Variants in RAB20 observed in about 807,000 individuals in gnomAD.
RAB20 encodes the protein RAB20, member RAS oncogene family.
Under a neutral mutation model 3.7 loss-of-function variants are expected in RAB20, and 2 were observed. The observed-to-expected ratio is 0.54, with a 90% CI of 0.22 to 1.69. The LOEUF is 1.69. RAB20 is among the 40% of genes most tolerant of loss of function. RAB20 has a pLI of 0.19. For synonymous variants in RAB20, 126 were observed against 130.8 expected (o/e 0.96, Z 0.25); for missense variants, 276 against 311.9 (o/e 0.88, Z 0.87).
At position 110,523,785 on chromosome 13, in the gene RAB20, C is replaced by T. The variant is rs1884376731; in HGVS notation, c.585G>A (p.Glu195=). 6.2e-7 allele frequency: 1 copy of T among 1,614,206 alleles called. No individual in the cohort carries two copies. Among genetic ancestry groups the T allele is most frequent in the Non-Finnish European group, 8.5e-7 (1 of 1,180,038 alleles). The change falls in exon 2 of 2, where the codon GAG becomes GAA. Residue 195 remains glutamate, a synonymous_variant. Coordinates refer to ENST00000267328, the MANE Select transcript of RAB20 (RefSeq NM_017817.3). ...TTGGCACCACCAGGTCAAAGAGGGTCTCAAACAGGAGGTCCACATTGTAGC... is the reference window on the plus strand; with the variant it reads ...TTGGCACCACCAGGTCAAAGAGGGTTTCAAACAGGAGGTCCACATTGTAGC... ...KTGYNVDLLF[E]TLFDLVVPMI...
chr13:110,557,825 G>C (rs776062762), intron 1 of RAB20, among the ~76,000 whole-genome samples: 1 of 152,244 alleles, frequency 6.6e-6, no homozygotes, highest in African/African-American at 2.4e-5. Context: ...GCCAGGCCAC[G>C]GCCTTTAGAA....
intron 1 of RAB20, among the ~76,000 whole-genome samples, chr13:110,560,601 A>T (rs1885113300): frequency 6.6e-6 from 1 of 152,196 alleles, no homozygotes; most frequent in South Asian, 2.1e-4. Context: ...TTTTGTAAGG[A>T]GAAGGAAATA....
chr13:110,533,297 A>C (rs1448656919), intron 1 of RAB20, among the ~76,000 whole-genome samples: 1 of 152,240 alleles, frequency 6.6e-6, no homozygotes, highest in Admixed American at 6.5e-5. Context: ...AGTTTTGGCT[A>C]AAGTTGAGAG....
At position 110,524,157 on chromosome 13, in the gene RAB20, C is replaced by T; in HGVS notation, c.213G>A (p.Arg71=). 1 of 1,605,406 alleles carries T rather than the reference C, an allele frequency of 6.2e-7. No individual in the cohort carries two copies. Among genetic ancestry groups the T allele is most frequent in the East Asian group, 2.2e-5 (1 of 44,850 alleles). Residue 71 remains arginine (R), a synonymous_variant, in exon 2 of 2, where the codon CGG becomes CGA. Coordinates refer to ENST00000267328, the MANE Select transcript of RAB20 (RefSeq NM_017817.3). ...QFHGLGSMYC[R]GAAAIILTYD... ...AGGTGAGGATGATGGCGGCCGCCCCCCGGCAGTACATGGAGCCCAGGCCGT... is the reference window on the plus strand; with the variant it reads ...AGGTGAGGATGATGGCGGCCGCCCCTCGGCAGTACATGGAGCCCAGGCCGT...
rs567956471 is a variant in RAB20, at chr13:110,561,005, G to A, written c.172+343C>T. On this transcript the variant is annotated intron_variant, in intron 1 of 1. Transcript: ENST00000267328. ...TCTCAAAGGATATCATGTTCCTACGGGTACGTGAAAACTGAAAATACCTAA... is the reference window on the plus strand; with the variant it reads ...TCTCAAAGGATATCATGTTCCTACGAGTACGTGAAAACTGAAAATACCTAA... Among the ~76,000 whole-genome samples the A allele has an allele frequency of 2.3e-4, 35 of 152,330 alleles. No individual in the cohort carries two copies. In the South Asian group the frequency reaches 3.3e-3, roughly 14 times the overall value.
At chr13:110,545,222 A>G (rs928274042) in intron 1 of RAB20, among the ~76,000 whole-genome samples, 2 of 152,232 alleles carry the variant, frequency 1.3e-5, no homozygotes, top group African/African-American at 4.8e-5. Flanking sequence ...CGCAAGGGAT[A>G]AATGTTTGAG....
At chr13:110,541,229 A>C (rs920544840) in intron 1 of RAB20, among the ~76,000 whole-genome samples, 1 of 152,154 alleles carries the variant, frequency 6.6e-6, no homozygotes, top group Non-Finnish European at 1.5e-5. Context: ...CAGATTCCTC[A>C]AGCAGTGAAA....
At chr13:110,529,355 T>C (rs1042391693) in intron 1 of RAB20, among the ~76,000 whole-genome samples, 1 of 152,214 alleles carries the variant, frequency 6.6e-6, no homozygotes, top group Non-Finnish European at 1.5e-5. Context: ...TCTACAAGTA[T>C]GGGCTTAAAC....
At chr13:110,557,500 T>C (rs916903143) in intron 1 of RAB20, among the ~76,000 whole-genome samples, 2 of 152,248 alleles carry the variant, frequency 1.3e-5, no homozygotes, top group African/African-American at 2.4e-5. Context: ...CATAACCTTC[T>C]GCTGGTGCCT....
chr13:110,550,665 T>C (rs190944671), intron 1 of RAB20, among the ~76,000 whole-genome samples: 1 of 152,280 alleles, frequency 6.6e-6, no homozygotes, highest in East Asian at 1.9e-4. Flanking sequence ...TTTAGAGTTT[T>C]TTCCTGAAAC....
intron 1 of RAB20, among the ~76,000 whole-genome samples, chr13:110,551,936 ACAAAAAT>A (rs1239192831): frequency 6.2e-5 from 3 of 48,478 alleles, no homozygotes; most frequent in Non-Finnish European, 2.2e-4. Context: ...AAAAAAAAAT[ACAAAAAT>A]TAGCTGGGTG....
Position 110,523,340 on chromosome 13 carries a change from G to A in RAB20, c.*325C>T, listed in dbSNP as rs554499064. On this transcript the variant is annotated 3_prime_UTR_variant, in exon 2 of 2. Coordinates refer to ENST00000267328, the MANE Select transcript of RAB20 (RefSeq NM_017817.3). Reference sequence around the variant, plus strand: ...GGTGCAGACGCAGGCTTCTGCCTCTGCAAGGGCAAGGGGGCCGTTGGTGGC... The same window carrying A: ...GGTGCAGACGCAGGCTTCTGCCTCTACAAGGGCAAGGGGGCCGTTGGTGGC... 5.9e-6 allele frequency: 3 copies of A among 510,978 alleles called. No homozygotes were observed. Among genetic ancestry groups the A allele is most frequent in the African/African-American group, 5.8e-5 (3 of 52,078 alleles). The allele number at this position is 510,978 out of a possible 1,614,324, so 31.7% of individuals were successfully genotyped here.
intron 1 of RAB20, among the ~76,000 whole-genome samples, chr13:110,529,271 C>A (rs552681141): frequency 6.6e-6 from 1 of 152,358 alleles, no homozygotes; most frequent in South Asian, 2.1e-4. Flanking sequence ...GTGCTCTGAG[C>A]CGGGCCGTCA....
chr13:110,559,162 A>G (rs1219197185), intron 1 of RAB20, among the ~76,000 whole-genome samples: 1 of 152,028 alleles, frequency 6.6e-6, no homozygotes, highest in Non-Finnish European at 1.5e-5. Flanking sequence ...ACTGACCCCC[A>G]TGCAATCGTT....
chr13:110,557,801 C>CA (rs201273046), intron 1 of RAB20, among the ~76,000 whole-genome samples: 2 of 152,200 alleles, frequency 1.3e-5, no homozygotes, highest in Non-Finnish European at 2.9e-5. Context: ...CCCTGCTCCC[C>CA]CCGCCTCCCG....
At chr13:110,539,557 G>T (rs1297814120) in intron 1 of RAB20, among the ~76,000 whole-genome samples, 1,551 of 126,876 alleles carry the variant, frequency 0.012, 64 homozygotes, top group African/African-American at 0.046. Flanking sequence ...TTGTTTTTGG[G>T]TTTTTTGTTT....
rs148865845 is a variant in RAB20 at position 110,525,268 on chromosome 13, C to G, written c.173-1071G>C. On this transcript the variant is annotated intron_variant, in intron 1 of 1. Coordinates refer to ENST00000267328, the MANE Select transcript of RAB20 (RefSeq NM_017817.3). ...CACTGGAACACCCGCCACCGTCCTA[C>G]ATTTAAACGCAGAGACCCCCGAACT... Among the ~76,000 whole-genome samples, 534 of 152,346 alleles carry G rather than the reference C, an allele frequency of 3.5e-3. 3 individuals carry two copies. Among genetic ancestry groups the G allele is most frequent in the African/African-American group, 0.012 (513 of 41,564 alleles).
chr13:110,546,111 C>A (rs1015795929), intron 1 of RAB20, among the ~76,000 whole-genome samples: 1 of 152,130 alleles, frequency 6.6e-6, no homozygotes, highest in African/African-American at 2.4e-5. Context: ...AAAGCCTCAG[C>A]CATTTAATCC....
At chr13:110,539,517 A>T (rs989104089) in intron 1 of RAB20, among the ~76,000 whole-genome samples, 3 of 150,260 alleles carry the variant, frequency 2.0e-5, no homozygotes, top group Admixed American at 2.0e-4. Context: ...ACCTTTAAAT[A>T]TACATCAATG....
Sources: allele counts gnomAD v4.1 joint callset (sites outside exome capture counted in the v4.1 genomes callset), GRCh38; gene constraint gnomAD v4.1.1; transcripts MANE v1.5; gene names NCBI Gene and HGNC (gene_info 2026-07-23, HGNC 2026-07-21).